Variants in CR2 observed in about 807,000 individuals in gnomAD.
CR2 encodes the protein complement C3d receptor 2, also known as complement receptor type 2.
A neutral mutation model predicts 123.0 loss-of-function variants in CR2; 96 were observed. The observed-to-expected ratio is 0.78, with a 90% CI of 0.66 to 0.93. The LOEUF is 0.93. Among genes scored for constraint, CR2 ranks in the 40% least tolerant of loss-of-function variants. The pLI, the probability that CR2 is intolerant of heterozygous loss-of-function variation, is 0.00. For missense variants in CR2, 1,258 were observed against 1,361.0 expected (o/e 0.92, Z 1.19); for synonymous variants, 484 against 469.5 (o/e 1.03, Z -0.40).
At chr1:207,474,721 T>C (rs1410210381) in intron 13 of CR2, 103 bp from the exon 14 acceptor site, 29 of 1,238,478 alleles carry the variant, frequency 2.3e-5, no homozygotes, top group Middle Eastern at 3.8e-4. Flanking sequence ...TATTTTCTAG[T>C]TATGTGAAAT....
Position 207,471,043 on chromosome 1 carries a change from G to A in CR2, c.1449G>A (p.Gln483=). ...ATGRQLLTKP[Q]HQFVRPDVNS... ...GAAGGCAACTCTTGACAAAACCCCA[G>A]CACCAATTTGTTAGACCAGATGTCA... Residue 483 remains glutamine, a synonymous_variant, in exon 8 of 20, where the codon CAG becomes CAA. Coordinates refer to ENST00000367057, the MANE Select transcript of CR2 (RefSeq NM_001006658.3). The A allele has an allele frequency of 6.2e-7, 1 of 1,613,766 alleles. No homozygotes were observed. Among genetic ancestry groups the A allele is most frequent in the Non-Finnish European group, 8.5e-7 (1 of 1,179,850 alleles).
chr1:207,486,719 T>C (rs1232436243), intron 19 of CR2, among the ~76,000 whole-genome samples: 23 of 152,090 alleles, frequency 1.5e-4, no homozygotes, highest in Admixed American at 1.4e-3. Context: ...ACAGTGACAG[T>C]AGGATTCGTG....
At chr1:207,486,717 A>G (rs1055555610) in intron 19 of CR2, among the ~76,000 whole-genome samples, 46 of 152,232 alleles carry the variant, frequency 3.0e-4, no homozygotes, top group Admixed American at 2.9e-3. Flanking sequence ...AGACAGTGAC[A>G]GTAGGATTCG....
Position 207,478,540 on chromosome 1 carries a change from A to G in CR2, c.3088+470A>G, listed in dbSNP as rs539178710. 6.7e-5 allele frequency among the ~76,000 whole-genome samples: 10 copies of G among 150,238 alleles called. No individual in the cohort carries two copies. In the East Asian group the frequency reaches 1.7e-3, roughly 26 times the overall value. On this transcript the variant is annotated intron_variant, in intron 16 of 19. Coordinates refer to ENST00000367057, the MANE Select transcript of CR2 (RefSeq NM_001006658.3). ...AAGACCCTATCAAAAAAAAAAAAAA[A>G]AAAAAAAGAAAGAAAGAAATTAAAT...
intron 9 of CR2, chr1:207,471,960 G>A (rs1658295440): frequency 4.4e-6 from 1 of 228,764 alleles, no homozygotes; most frequent in Non-Finnish European, 8.7e-6. Context: ...TAAATAAAAA[G>A]TAAAAAGGAC....
At chr1:207,476,731 A>G (rs1658453565) in intron 15 of CR2, among the ~76,000 whole-genome samples, 1 of 152,252 alleles carries the variant, frequency 6.6e-6, no homozygotes, top group African/African-American at 2.4e-5. Context: ...TTAAGTGTGT[A>G]TTTGATAAAG....
rs1190144520 is a variant in CR2, at chr1:207,472,762, A to ATC, written c.1571-4_1571-3dup. 6.2e-7 allele frequency: 1 copy of ATC among 1,612,792 alleles called. No homozygotes were observed. ...GAACTCAATTCTACAGTATCTTTTC[A>ATC]TCTCTCTAGAAATCACCTGCCCACC... On this transcript the variant is annotated splice_polypyrimidine_tract_variant and intron_variant, in intron 9 of 19. Coordinates refer to ENST00000367057, the MANE Select transcript of CR2 (RefSeq NM_001006658.3).
intron 9 of CR2, among the ~76,000 whole-genome samples, chr1:207,472,557 A>G (rs890258173): frequency 6.6e-6 from 1 of 152,204 alleles, no homozygotes; most frequent in Non-Finnish European, 1.5e-5. Context: ...GATGTTGATC[A>G]ACCACATTCA....
intron 8 of CR2, 139 bp downstream of exon 8, chr1:207,471,226 C>A: frequency 1.1e-6 from 1 of 949,686 alleles, no homozygotes; most frequent in Non-Finnish European, 1.7e-6. Context: ...GTCACATGGT[C>A]ATGGAAGTGT....
At chr1:207,455,937 T>C (rs1218522384) in intron 1 of CR2, among the ~76,000 whole-genome samples, 1 of 152,194 alleles carries the variant, frequency 6.6e-6, no homozygotes, top group Non-Finnish European at 1.5e-5. Flanking sequence ...GTACCAGTAT[T>C]CCCATCCTAA....
At chr1:207,485,426 A>C (rs369375546) in intron 18 of CR2, 38 bp from the exon 19 acceptor site, 12 of 1,274,588 alleles carry the variant, frequency 9.4e-6, no homozygotes, top group Admixed American at 5.0e-5. Flanking sequence ...ATGGTCAATG[A>C]GTAAAGATAT....
chr1:207,474,264 A>G lies in CR2; in HGVS notation c.2264A>G (p.Tyr755Cys). 1 of 1,613,482 alleles carries G rather than the reference A, an allele frequency of 6.2e-7. No homozygotes were observed. Among genetic ancestry groups the G allele is most frequent in the Non-Finnish European group, 8.5e-7 (1 of 1,179,458 alleles). ...QDGYQLTGHA[Y>C]QMCQDAENGI... ...AGGTACCAGTTGACTGGACATGCTT[A>G]TCAGATGTGTCAAGATGCTGAAAAT... Residue 755 changes from tyrosine to cysteine, a missense_variant, in exon 13 of 20, where the codon TAT becomes TGT. Physicochemically the swap from Tyr to Cys is radical, Grantham distance 194. Coordinates refer to ENST00000367057, the MANE Select transcript of CR2 (RefSeq NM_001006658.3).
Position 207,482,942 on chromosome 1 carries a change from T to G in CR2, c.3189-2522T>G, listed in dbSNP as rs1391071605. Among the ~76,000 whole-genome samples the G allele has an allele frequency of 9.5e-5, 14 of 148,000 alleles. No individual in the cohort carries two copies. In the East Asian group the frequency reaches 2.6e-3, roughly 28 times the overall value. The stretch of plus-strand genomic sequence containing the variant: ...AAGGCGAAAGTGGCATAGCTTTAGG[T>G]GGAGACATGCCATTAAAGAAAAAAA... On this transcript the variant is annotated intron_variant, in intron 18 of 19. Transcript: ENST00000367057.
Position 207,475,180 on chromosome 1 carries a change from A to T in CR2, c.2680A>T (p.Thr894Ser), listed in dbSNP as rs1367099391. ...SRVIRCHTDN[T>S]WVPGVPTCIK... is the part of the protein sequence containing the mutation. ...CGTGATTAGGTGTCATACTGATAAC[A>T]CATGGGTGCCAGGTGTGCCAACTTG... Residue 894 changes from threonine to serine, a missense_variant, in exon 14 of 20, where the codon ACA (threonine) becomes TCA (serine). By Grantham distance (58) the Thr-to-Ser change is moderately conservative. Coordinates refer to ENST00000367057, the MANE Select transcript of CR2 (RefSeq NM_001006658.3). 6.2e-7 allele frequency: 1 copy of T among 1,613,908 alleles called. No individual in the cohort carries two copies. The highest frequency in any genetic ancestry group is 1.7e-5 in the Admixed American group (1 of 59,964).
In CR2 at chr1:207,473,792, C is replaced by T. The variant is rs1658355719; in HGVS notation, c.2156-9C>T. ...TATAAATACTGTAATTCCATCCTTGCTTCTCCAGAAACATGCCAGCATGTG... is the reference window on the plus strand; with the variant it reads ...TATAAATACTGTAATTCCATCCTTGTTTCTCCAGAAACATGCCAGCATGTG... On this transcript the variant is annotated splice_polypyrimidine_tract_variant and intron_variant, in intron 11 of 19. Coordinates refer to ENST00000367057, the MANE Select transcript of CR2 (RefSeq NM_001006658.3). 5 of 1,613,972 alleles carry T rather than the reference C, an allele frequency of 3.1e-6. No homozygotes were observed. In the East Asian group the frequency reaches 1.1e-4, roughly 36 times the overall value.
chr1:207,462,486 A>G (rs923772969), intron 1 of CR2, among the ~76,000 whole-genome samples: 6 of 150,522 alleles, frequency 4.0e-5, no homozygotes, highest in African/African-American at 1.5e-4. Context: ...GTAAAAAAAT[A>G]TATGCATTTT....
intron 18 of CR2, among the ~76,000 whole-genome samples, chr1:207,481,030 A>G (rs1364987193): frequency 6.6e-6 from 1 of 152,084 alleles, no homozygotes; most frequent in Non-Finnish European, 1.5e-5. Flanking sequence ...CCATTTGATC[A>G]AGTAATCTTT....
intron 19 of CR2, among the ~76,000 whole-genome samples, chr1:207,488,510 G>C (rs1658807760): frequency 6.6e-6 from 1 of 152,154 alleles, no homozygotes; most frequent in Admixed American, 6.5e-5. Flanking sequence ...TGTAATCCCA[G>C]CTACTCGGGA....
rs767073038 is a variant in CR2 at position 207,469,197 on chromosome 1, A to G, written c.782A>G (p.Gln261Arg). Residue 261 changes from glutamine (Q) to arginine (R), a missense_variant, in exon 5 of 20, where the codon CAG becomes CGG. Gln to Arg is a conservative substitution (Grantham distance 43). Transcript: ENST00000367057. ...PPSSRCVIAG[Q>R]GVAWTKMPVC... ...TCTAGTCGGTGTGTAATTGCTGGAC[A>G]GGGAGTTGCTTGGACCAAAATGCCA... 12 of 1,613,820 alleles carry G rather than the reference A, an allele frequency of 7.4e-6. No individual in the cohort carries two copies. Among genetic ancestry groups the G allele is most frequent in the Middle Eastern group, 1.6e-4 (1 of 6,080 alleles).
Sources: allele counts gnomAD v4.1 joint callset (sites outside exome capture counted in the v4.1 genomes callset), GRCh38; gene constraint gnomAD v4.1.1; transcripts MANE v1.5; gene names NCBI Gene and HGNC (gene_info 2026-07-23, HGNC 2026-07-21).